Variants in MED27 observed in about 807,000 individuals in gnomAD.
The protein encoded by MED27 is mediator of RNA polymerase II transcription subunit 27.
MED27 carries 30 observed loss-of-function variants against 38.2 expected under a neutral mutation model. That is an observed-to-expected ratio of 0.79 (90% CI 0.59 to 1.07). The LOEUF is 1.07. Ranked by LOEUF, MED27 falls within the 50% of genes least tolerant of loss-of-function variation. The pLI is 0.00. For missense variants in MED27, 289 were observed against 397.5 expected (o/e 0.73, Z 2.32); for synonymous variants, 122 against 153.5 (o/e 0.79, Z 1.52).
intron 3 of MED27, among the ~76,000 whole-genome samples, chr9:132,007,527 C>T (rs1292604654): frequency 6.6e-6 from 1 of 152,080 alleles, no homozygotes; most frequent in Non-Finnish European, 1.5e-5. Flanking sequence ...GATATCAGAA[C>T]AGTAGTTGCC....
chr9:132,071,578 G>T (rs115008973), intron 2 of MED27, among the ~76,000 whole-genome samples: 1 of 145,674 alleles, frequency 6.9e-6, no homozygotes. Flanking sequence ...CAAGTAACCC[G>T]TATCCCATGA....
At position 132,028,818 on chromosome 9, in the gene MED27, CTGTGGGA is replaced by C. The variant is rs1400836108; in HGVS notation, c.349-14358_349-14352del. On this transcript the variant is annotated intron_variant, in intron 2 of 7. Coordinates refer to ENST00000292035, the MANE Select transcript of MED27 (RefSeq NM_004269.4). ...CAGATTCCAGGGGCCCACCTCCAAT[CTGTGGGA>C]TCAGAACTTCTACTGAGGAACCCAG... 2.0e-5 allele frequency among the ~76,000 whole-genome samples: 3 copies of C among 152,220 alleles called. No homozygotes were observed. The East Asian group carries it at 5.8e-4, about 29-fold the overall frequency.
At chr9:131,864,881 C>T (rs1294728727) in intron 6 of MED27, among the ~76,000 whole-genome samples, 2 of 152,228 alleles carry the variant, frequency 1.3e-5, no homozygotes, top group Admixed American at 6.5e-5. Flanking sequence ...TGAGGCCAGG[C>T]GTGGGAAGCA....
intron 2 of MED27, among the ~76,000 whole-genome samples, chr9:132,060,605 A>G (rs561860908): frequency 5.2e-4 from 79 of 152,354 alleles, no homozygotes; most frequent in African/African-American, 1.8e-3. Flanking sequence ...GTCCCCACCA[A>G]GCACACTGTG....
chr9:131,972,535 C>T (rs1831501857), intron 3 of MED27, among the ~76,000 whole-genome samples: 1 of 152,154 alleles, frequency 6.6e-6, no homozygotes, highest in African/African-American at 2.4e-5. Context: ...GCACTCAGCC[C>T]TGTATACATT....
chr9:131,978,657 C>T (rs1831662159), intron 3 of MED27, among the ~76,000 whole-genome samples: 1 of 152,122 alleles, frequency 6.6e-6, no homozygotes, highest in East Asian at 1.9e-4. Flanking sequence ...TTGAAGTTCT[C>T]CATTAAAAAG....
intron 3 of MED27, among the ~76,000 whole-genome samples, chr9:131,989,828 C>A (rs985536887): frequency 6.6e-6 from 1 of 151,722 alleles, no homozygotes; most frequent in Admixed American, 6.6e-5. Flanking sequence ...ACTATCAATT[C>A]GCCTATAACC....
At chr9:131,879,926 G>A (rs556165462) in intron 6 of MED27, among the ~76,000 whole-genome samples, 34 of 152,220 alleles carry the variant, frequency 2.2e-4, no homozygotes, top group Admixed American at 6.5e-4. Context: ...CGTTGCCACC[G>A]AATCCTTCTC....
chr9:131,866,623 C>T (rs541393534), intron 6 of MED27, among the ~76,000 whole-genome samples: 45 of 152,350 alleles, frequency 3.0e-4, no homozygotes, highest in African/African-American at 1.0e-3. Flanking sequence ...ACGCCTTGGG[C>T]GAGGCACTTC....
At chr9:131,975,595 T>C (rs552644693) in intron 3 of MED27, among the ~76,000 whole-genome samples, 69 of 152,320 alleles carry the variant, frequency 4.5e-4, no homozygotes, top group Non-Finnish European at 9.3e-4. Context: ...CACATTCCTA[T>C]ACTGCCATTA....
Position 132,014,450 on chromosome 9 carries a change from T to A in MED27, c.366A>T (p.Gly122=). The change falls in exon 3 of 8, where the codon GGA becomes GGT. Residue 122 remains glycine (G), a synonymous_variant. Coordinates refer to ENST00000292035, the MANE Select transcript of MED27 (RefSeq NM_004269.4). The stretch of plus-strand genomic sequence containing the variant: ...GCTGATTTAAAAGGCCAGATGCTAG[T>A]CCTGCATGGTACTGCAACTGCAGAG... ...KWSNKLQYHA[G]LASGLLNQQS... 2 of 1,613,996 alleles carry A rather than the reference T, an allele frequency of 1.2e-6. No individual in the cohort carries two copies. The highest frequency in any genetic ancestry group is 8.5e-7 in the Non-Finnish European group (1 of 1,179,972).
At chr9:131,932,971 T>A (rs1020545319) in intron 4 of MED27, among the ~76,000 whole-genome samples, 3 of 152,068 alleles carry the variant, frequency 2.0e-5, no homozygotes, top group Non-Finnish European at 4.4e-5. Context: ...CATACACAAA[T>A]CAATTAATGT....
Position 132,077,501 on chromosome 9 carries a change from C to T in MED27, c.289G>A (p.Val97Met), listed in dbSNP as rs149771859. 2 of 1,614,022 alleles carry T rather than the reference C, an allele frequency of 1.2e-6. No individual in the cohort carries two copies. Among genetic ancestry groups the T allele is most frequent in the Non-Finnish European group, 1.7e-6 (2 of 1,180,024 alleles). ...HNSGLLSLDP[V>M]QDKTPLYSQL... The stretch of plus-strand genomic sequence containing the variant: ...CTATAGAGAGGAGTTTTGTCCTGCA[C>T]AGGATCCAGGCTTAACAGCCCACTG... The change falls in exon 2 of 8, where the codon GTG becomes ATG. Residue 97 changes from valine to methionine, a missense_variant. By Grantham distance (21) the Val-to-Met change is conservative. Coordinates refer to ENST00000292035, the MANE Select transcript of MED27 (RefSeq NM_004269.4).
intron 6 of MED27, among the ~76,000 whole-genome samples, chr9:131,875,215 C>G (rs1383737201): frequency 6.6e-6 from 1 of 152,220 alleles, no homozygotes; most frequent in Non-Finnish European, 1.5e-5. Flanking sequence ...ATCAGCATAT[C>G]AGGGCTGCCC....
intron 3 of MED27, among the ~76,000 whole-genome samples, chr9:131,948,224 C>T (rs139920787): frequency 7.6e-4 from 116 of 152,248 alleles, no homozygotes; most frequent in Admixed American, 2.5e-3. Context: ...GTGGTTCACG[C>T]CTGTAATCCC....
intron 3 of MED27, among the ~76,000 whole-genome samples, chr9:131,959,426 C>T (rs575273704): frequency 2.2e-4 from 33 of 152,302 alleles, no homozygotes; most frequent in Non-Finnish European, 3.4e-4. Flanking sequence ...ACCACCTCAC[C>T]TTAACCCAAA....
chr9:131,963,491 A>G (rs1289328365), intron 3 of MED27, among the ~76,000 whole-genome samples: 2 of 152,062 alleles, frequency 1.3e-5, no homozygotes, highest in African/African-American at 4.8e-5. Context: ...AAAAGTATTT[A>G]TGACACTAAC....
chr9:131,938,553 G>A (rs868496673), intron 4 of MED27, among the ~76,000 whole-genome samples: 6 of 152,060 alleles, frequency 3.9e-5, no homozygotes, highest in East Asian at 1.9e-4. Context: ...ACCTGTCTTC[G>A]GTGAATTCAT....
At chr9:131,981,743 C>A (rs1831741955) in intron 3 of MED27, among the ~76,000 whole-genome samples, 1 of 152,246 alleles carries the variant, frequency 6.6e-6, no homozygotes, top group African/African-American at 2.4e-5. Context: ...AGTCATCACA[C>A]TGCTACCCCA....
Sources: allele counts gnomAD v4.1 joint callset (sites outside exome capture counted in the v4.1 genomes callset), GRCh38; gene constraint gnomAD v4.1.1; transcripts MANE v1.5; gene names NCBI Gene and HGNC (gene_info 2026-07-23, HGNC 2026-07-21).